The following WWOX variants were observed in gnomAD, a reference collection of about 807,000 sequenced individuals.
WWOX encodes the protein WW domain containing oxidoreductase, also known as WW domain-containing oxidoreductase.
A neutral mutation model predicts 46.2 loss-of-function variants in WWOX; 69 were observed. The ratio of observed to expected loss-of-function variants is 1.49; its 90% CI spans 1.23 to 1.82. The LOEUF is 1.82. Ranked by LOEUF, WWOX falls within the 40% of genes most tolerant of loss-of-function variation. WWOX has a pLI of 0.00. For synonymous variants in WWOX, 359 were observed against 202.6 expected (o/e 1.77, Z -6.56); for missense variants, 919 against 542.6 (o/e 1.69, Z -6.89).
chr16:78,188,874 T>C (rs2035792765), intron 5 of WWOX, among the ~76,000 whole-genome samples: 1 of 152,202 alleles, frequency 6.6e-6, no homozygotes, highest in African/African-American at 2.4e-5. Context: ...GTTTTAATTC[T>C]GCATTTGACT....
chr16:78,828,687 C>G (rs2051729145), intron 8 of WWOX, among the ~76,000 whole-genome samples: 1 of 151,906 alleles, frequency 6.6e-6, no homozygotes, highest in African/African-American at 2.4e-5. Context: ...ATGTGTGTGC[C>G]AATTATGTGC....
At chr16:78,578,842 T>C (rs1249979316) in intron 8 of WWOX, among the ~76,000 whole-genome samples, 1 of 152,208 alleles carries the variant, frequency 6.6e-6, no homozygotes, top group Non-Finnish European at 1.5e-5. Flanking sequence ...TGTTACATGC[T>C]ACAGAACATC....
At chr16:78,210,205 A>G (rs887425781) in intron 5 of WWOX, among the ~76,000 whole-genome samples, 2 of 152,218 alleles carry the variant, frequency 1.3e-5, no homozygotes, top group Admixed American at 1.3e-4. Flanking sequence ...CTATTCTAGC[A>G]TTCCTCATTT....
chr16:78,670,049 G>A (rs2047423540), intron 8 of WWOX, among the ~76,000 whole-genome samples: 1 of 152,150 alleles, frequency 6.6e-6, no homozygotes, highest in African/African-American at 2.4e-5. Flanking sequence ...AAGAGGGAAT[G>A]AATGGTGGCC....
intron 4 of WWOX, among the ~76,000 whole-genome samples, chr16:78,157,050 C>T (rs760982089): frequency 6.6e-6 from 1 of 152,154 alleles, no homozygotes; most frequent in Non-Finnish European, 1.5e-5. Flanking sequence ...TGTTTACTCT[C>T]ATTTCCACTC....
At chr16:78,563,537 T>C (rs1207648236) in intron 8 of WWOX, among the ~76,000 whole-genome samples, 3 of 151,386 alleles carry the variant, frequency 2.0e-5, no homozygotes, top group Non-Finnish European at 2.9e-5. Context: ...TTTTTTCTTT[T>C]TTTTTTTCTC....
chr16:78,281,248 C>T (rs2079673455), intron 5 of WWOX, among the ~76,000 whole-genome samples: 1 of 152,188 alleles, frequency 6.6e-6, no homozygotes, highest in South Asian at 2.1e-4. Context: ...AGCGCCAAGC[C>T]ATGAGGGCTC....
intron 8 of WWOX, among the ~76,000 whole-genome samples, chr16:78,435,425 G>T (rs1483763161): frequency 6.6e-6 from 1 of 152,214 alleles, no homozygotes; most frequent in African/African-American, 2.4e-5. Flanking sequence ...GCAAGGCAAG[G>T]CTTGGGAGAA....
intron 6 of WWOX, among the ~76,000 whole-genome samples, chr16:78,417,744 G>A (rs779606593): frequency 3.9e-5 from 6 of 152,052 alleles, no homozygotes; most frequent in South Asian, 2.1e-4. Context: ...AGGTAGGCTC[G>A]GTGCTTCAAA....
At chr16:78,393,164 AC>A (rs2082212626) in intron 6 of WWOX, among the ~76,000 whole-genome samples, 1 of 152,002 alleles carries the variant, frequency 6.6e-6, no homozygotes, top group Non-Finnish European at 1.5e-5. Flanking sequence ...AAGAGCTGGG[AC>A]CCTTTCTAAT....
chr16:79,180,584 AGAAGTG>A (rs2050890744), intron 8 of WWOX, among the ~76,000 whole-genome samples: 1 of 152,178 alleles, frequency 6.6e-6, no homozygotes, highest in African/African-American at 2.4e-5. Flanking sequence ...GAAACCCTGA[AGAAGTG>A]GAAAGAGAAA....
intron 8 of WWOX, among the ~76,000 whole-genome samples, chr16:78,470,800 A>G (rs2084203403): frequency 6.6e-6 from 1 of 151,922 alleles, no homozygotes; most frequent in South Asian, 2.1e-4. Flanking sequence ...AAGTGCTGGG[A>G]TTACAGTCAT....
At chr16:78,924,582 A>G (rs572707982) in intron 8 of WWOX, among the ~76,000 whole-genome samples, 72 of 152,330 alleles carry the variant, frequency 4.7e-4, no homozygotes, top group African/African-American at 1.7e-3. Flanking sequence ...GGAGGATAAG[A>G]AAGCCAGTAT....
intron 8 of WWOX, among the ~76,000 whole-genome samples, chr16:78,495,244 G>A (rs1397806568): frequency 6.7e-6 from 1 of 148,760 alleles, no homozygotes; most frequent in African/African-American, 2.5e-5. Context: ...AGATTCAAGC[G>A]ATTCTCCTGC....
rs1228519766 is a variant in WWOX, at chr16:78,422,840, CAT to C, written c.606-2026_606-2025del. On this transcript the variant is annotated intron_variant, in intron 6 of 8. Transcript: ENST00000566780. Reference sequence around the variant, plus strand: ...ATATACACACACATATATATATATACATATACACACACACACACACACACACA... The same window carrying C: ...ATATACACACACATATATATATATACATACACACACACACACACACACACA... 7.3e-3 allele frequency among the ~76,000 whole-genome samples: 565 copies of C among 77,222 alleles called. 19 individuals carry two copies. Among genetic ancestry groups the C allele is most frequent in the East Asian group, 0.019 (47 of 2,492 alleles). The allele number at this position is 77,222 out of a possible 152,430, so 50.7% of individuals were successfully genotyped here. A position where few individuals can be genotyped will look rare whatever the true frequency, so the allele number is the denominator to read the frequency against.
At chr16:78,195,495 A>T (rs2036019730) in intron 5 of WWOX, among the ~76,000 whole-genome samples, 1 of 151,974 alleles carries the variant, frequency 6.6e-6, no homozygotes, top group African/African-American at 2.4e-5. Flanking sequence ...ACATGTTAAG[A>T]TTGCAGATGC....
At chr16:79,024,368 C>G (rs1022520042) in intron 8 of WWOX, among the ~76,000 whole-genome samples, 2 of 152,178 alleles carry the variant, frequency 1.3e-5, no homozygotes, top group African/African-American at 4.8e-5. Flanking sequence ...AAGAGACCCT[C>G]CCACCTTAGC....
intron 8 of WWOX, among the ~76,000 whole-genome samples, chr16:78,508,433 G>T (rs565422472): frequency 1.3e-5 from 2 of 149,116 alleles, no homozygotes; most frequent in African/African-American, 5.0e-5. Flanking sequence ...TAAAAGATTG[G>T]ACACCTGTAA....
intron 8 of WWOX, among the ~76,000 whole-genome samples, chr16:78,644,480 A>G (rs2046794693): frequency 6.6e-6 from 1 of 151,438 alleles, no homozygotes; most frequent in Non-Finnish European, 1.5e-5. Flanking sequence ...TTTCTTTTTG[A>G]GACAGAGTTT....
Sources: gnomAD v4.1 joint callset for allele counts (sites outside exome capture counted in the v4.1 genomes callset) on GRCh38, gnomAD v4.1.1 for gene constraint, MANE v1.5 for transcripts, NCBI Gene and HGNC (gene_info 2026-07-23, HGNC 2026-07-21) for gene names.